Variants in CSGALNACT1 observed in about 807,000 individuals in gnomAD.
The protein encoded by CSGALNACT1 is beta4GalNAcT-1.
A neutral mutation model predicts 51.0 loss-of-function variants in CSGALNACT1; 52 were observed. The observed-to-expected ratio is 1.02, with a 90% confidence interval of 0.82 to 1.29. CSGALNACT1 has a LOEUF of 1.29. Ranked by LOEUF, CSGALNACT1 falls within the 50% of genes most tolerant of loss-of-function variation. The probability of loss-of-function intolerance (pLI) is 0.00; values close to 1 mark genes in which losing one functional copy is unlikely to be tolerated. For synonymous variants in CSGALNACT1, 341 were observed against 254.4 expected (o/e 1.34, Z -3.24); for missense variants, 935 against 679.2 (o/e 1.38, Z -4.19).
chr8:19,447,725 G>A (rs2062384571), intron 5 of CSGALNACT1, among the ~76,000 whole-genome samples: 1 of 152,202 alleles, frequency 6.6e-6, no homozygotes, highest in African/African-American at 2.4e-5. Context: ...GGAGAAACAA[G>A]CTCAGTAATA....
intron 4 of CSGALNACT1, among the ~76,000 whole-genome samples, chr8:19,500,438 A>G (rs2076222494): frequency 6.8e-6 from 1 of 147,878 alleles, no homozygotes; most frequent in South Asian, 2.1e-4. Context: ...CTGTCTTATG[A>G]TTTCCACCAC....
chr8:19,736,915 A>G (rs1035999107), intron 1 of CSGALNACT1, among the ~76,000 whole-genome samples: 1 of 129,824 alleles, frequency 7.7e-6, no homozygotes, highest in Non-Finnish European at 1.7e-5. Flanking sequence ...ATCTCACAAA[A>G]CTCTGAACAG....
chr8:19,565,533 G>C (rs751663041), intron 3 of CSGALNACT1, among the ~76,000 whole-genome samples: 11 of 152,196 alleles, frequency 7.2e-5, no homozygotes, highest in Non-Finnish European at 1.3e-4. Flanking sequence ...AAATAAACAA[G>C]AAGTTCAAAG....
intron 8 of CSGALNACT1, among the ~76,000 whole-genome samples, chr8:19,409,500 TAG>T (rs61540555): frequency 0.5 from 69,357 of 139,466 alleles, 16,546 homozygotes; most frequent in East Asian, 0.86. Flanking sequence ...TATATATATA[TAG>T]AGAGAGAGAG....
intron 4 of CSGALNACT1, among the ~76,000 whole-genome samples, chr8:19,486,767 C>T (rs377659184): frequency 7.9e-5 from 12 of 152,178 alleles, no homozygotes; most frequent in African/African-American, 2.9e-4. Context: ...CCCCTTTACT[C>T]AGCTATGGAA....
intron 6 of CSGALNACT1, among the ~76,000 whole-genome samples, chr8:19,428,017 T>C (rs1398909263): frequency 6.6e-6 from 1 of 152,080 alleles, no homozygotes; most frequent in Non-Finnish European, 1.5e-5. Context: ...GTTGCTACCT[T>C]AGGAGGACAC....
chr8:19,754,804 A>G lies in CSGALNACT1; in HGVS notation c.-297+3046T>C, dbSNP rs964003302. On this transcript the variant is annotated intron_variant, in intron 1 of 1. Transcript: ENST00000517494. Reference sequence around the variant, plus strand: ...AAATGACAGCCTGGGGTGATACACTATGCTGAAGAGGTCCCCTAGTGGCGA... The same window carrying G: ...AAATGACAGCCTGGGGTGATACACTGTGCTGAAGAGGTCCCCTAGTGGCGA... 3.3e-5 allele frequency among the ~76,000 whole-genome samples: 5 copies of G among 152,240 alleles called. No individual in the cohort carries two copies. The South Asian group carries it at 8.3e-4, about 25-fold the overall frequency.
chr8:19,705,443 C>T (rs1453872957), intron 1 of CSGALNACT1, among the ~76,000 whole-genome samples: 1 of 152,034 alleles, frequency 6.6e-6, no homozygotes, highest in African/African-American at 2.4e-5. Flanking sequence ...ATTTTAAAAT[C>T]CAGGGAAGGC....
chr8:19,598,049 G>GGT (rs1222756319), intron 2 of CSGALNACT1, among the ~76,000 whole-genome samples: 2 of 152,184 alleles, frequency 1.3e-5, no homozygotes, highest in African/African-American at 4.8e-5. Context: ...GAATCTGGAG[G>GGT]GTCAAGAGGA....
At chr8:19,572,210 C>T (rs1564101178) in intron 3 of CSGALNACT1, among the ~76,000 whole-genome samples, 1 of 152,308 alleles carries the variant, frequency 6.6e-6, no homozygotes, top group Non-Finnish European at 1.5e-5. Flanking sequence ...CAACCTGTAA[C>T]ACCAGAGCCA....
At chr8:19,682,603 T>C (rs1167165710), upstream of CSGALNACT1, 1 of 453,852 alleles carries the variant, frequency 2.2e-6, no homozygotes, top group African/African-American at 2.0e-5. Flanking sequence ...TGATGTACAC[T>C]GGGACTTCAG....
chr8:19,756,883 A>G (rs935405937), intron 1 of CSGALNACT1, among the ~76,000 whole-genome samples: 1 of 151,934 alleles, frequency 6.6e-6, no homozygotes, highest in African/African-American at 2.4e-5. Flanking sequence ...CGACCCCGGG[A>G]GCGCAGCGGC....
chr8:19,461,028 G>A (rs537689328), intron 4 of CSGALNACT1, among the ~76,000 whole-genome samples: 20 of 152,240 alleles, frequency 1.3e-4, no homozygotes, highest in Admixed American at 4.6e-4. Context: ...TTTAAAGGCC[G>A]AGACACGGAG....
chr8:19,579,383 G>A (rs985176099), intron 3 of CSGALNACT1, among the ~76,000 whole-genome samples: 1 of 152,164 alleles, frequency 6.6e-6, no homozygotes. Flanking sequence ...AAGGCTCTGG[G>A]TAATTGCTTT....
intron 4 of CSGALNACT1, among the ~76,000 whole-genome samples, chr8:19,460,994 G>T (rs1052231861): frequency 6.6e-6 from 1 of 152,064 alleles, no homozygotes; most frequent in Non-Finnish European, 1.5e-5. Context: ...CAAACCCACA[G>T]TTCCCCAGCA....
intron 2 of CSGALNACT1, among the ~76,000 whole-genome samples, chr8:19,592,533 C>T (rs750373883): frequency 2.0e-5 from 3 of 152,330 alleles, no homozygotes; most frequent in Non-Finnish European, 2.9e-5. Flanking sequence ...AGGTGGATCA[C>T]TTGAGCCCAG....
chr8:19,566,415 T>G (rs1387599679), intron 3 of CSGALNACT1, among the ~76,000 whole-genome samples: 5 of 152,170 alleles, frequency 3.3e-5, no homozygotes, highest in Non-Finnish European at 7.4e-5. Flanking sequence ...AAAATAAATT[T>G]TTTTGTTAAA....
chr8:19,618,886 C>G (rs1023650158), intron 1 of CSGALNACT1, among the ~76,000 whole-genome samples: 2 of 152,054 alleles, frequency 1.3e-5, no homozygotes, highest in Non-Finnish European at 2.9e-5. Flanking sequence ...TTCTTCCACA[C>G]TGAATTCTCT....
At chr8:19,703,686 G>T (rs889080319) in intron 1 of CSGALNACT1, among the ~76,000 whole-genome samples, 3 of 152,144 alleles carry the variant, frequency 2.0e-5, no homozygotes, top group African/African-American at 2.4e-5. Context: ...ACCTTCCACA[G>T]TAAAACAAAG....
Sources: gnomAD v4.1 joint callset for allele counts (sites outside exome capture counted in the v4.1 genomes callset) on GRCh38, gnomAD v4.1.1 for gene constraint, MANE v1.5 for transcripts, NCBI Gene and HGNC (gene_info 2026-07-23, HGNC 2026-07-21) for gene names.